PSD3: variants seen among roughly 807,000 people sequenced by gnomAD.
The protein encoded by PSD3 is pleckstrin and Sec7 domain containing 3.
Under a neutral mutation model 105.5 loss-of-function variants are expected in PSD3, and 49 were observed. The observed-to-expected ratio is 0.46, with a 90% CI of 0.37 to 0.59. PSD3 has a LOEUF of 0.59. Among genes scored for constraint, PSD3 ranks in the 20% least tolerant of loss-of-function variants. The pLI, the probability that PSD3 is intolerant of heterozygous loss-of-function variation, is 0.00. For missense variants in PSD3, 1,561 were observed against 1,263.8 expected, an observed-to-expected ratio of 1.24 and a Z score of -3.57; for synonymous variants, 557 against 457.8, an observed-to-expected ratio of 1.22 and a Z score of -2.77.
chr8:18,867,968 G>A lies in PSD3; in HGVS notation c.1340C>T (p.Thr447Ile), dbSNP rs1023573287. 5 of 1,614,062 alleles carry A rather than the reference G, an allele frequency of 3.1e-6. No individual in the cohort carries two copies. The highest frequency in any genetic ancestry group is 4.2e-6 in the Non-Finnish European group (5 of 1,180,038). Residue 447 changes from threonine to isoleucine, a missense_variant, in exon 4 of 16, where the codon ACC becomes ATC. By Grantham distance (89) the Thr-to-Ile change is moderately conservative. Transcript: ENST00000327040. Reference sequence around the variant, plus strand: ...GTATAAAGAAGTGTTGTCCAAAATGGTTTCAAACTGGGAGCTGTACACGTC... The same window carrying A: ...GTATAAAGAAGTGTTGTCCAAAATGATTTCAAACTGGGAGCTGTACACGTC... ...STDVYSSQFE[T>I]ILDNTSLYYS...
chr8:18,808,697 C>T (rs1811414653), intron 4 of PSD3: 1 of 1,608,816 alleles, frequency 6.2e-7, no homozygotes, highest in African/African-American at 1.3e-5. Context: ...TGAACAAGAA[C>T]CGGAATTGCT....
At chr8:18,655,558 C>T in intron 10 of PSD3, 84 bp downstream of exon 10, 2 of 1,293,510 alleles carry the variant, frequency 1.5e-6, no homozygotes, top group East Asian at 2.3e-5. Flanking sequence ...TTTAATCCTT[C>T]TCTAAGATCA....
intron 9 of PSD3, among the ~76,000 whole-genome samples, chr8:18,752,120 G>A (rs1182909295): frequency 2.0e-5 from 3 of 151,618 alleles, no homozygotes; most frequent in African/African-American, 4.9e-5. Context: ...CCCAGGAGGC[G>A]GAGGTTGCAG....
At chr8:19,077,132 A>G (rs1175173993) in intron 1 of PSD3, among the ~76,000 whole-genome samples, 1 of 152,162 alleles carries the variant, frequency 6.6e-6, no homozygotes, top group Non-Finnish European at 1.5e-5. Context: ...CTTCTCTGAG[A>G]TATCTCTGAC....
chr8:18,827,662 A>T (rs897121788), intron 4 of PSD3, among the ~76,000 whole-genome samples: 2 of 152,198 alleles, frequency 1.3e-5, no homozygotes, highest in Admixed American at 6.5e-5. Flanking sequence ...GGGTAGGTCC[A>T]GTTAGCAGAC....
chr8:18,627,723 G>C (rs1806598023), intron 11 of PSD3, among the ~76,000 whole-genome samples: 1 of 151,194 alleles, frequency 6.6e-6, no homozygotes, highest in Non-Finnish European at 1.5e-5. Context: ...GTTTTTTTTA[G>C]ATGAATACAA....
chr8:18,690,931 T>C (rs1175213248), intron 9 of PSD3, among the ~76,000 whole-genome samples: 2 of 152,046 alleles, frequency 1.3e-5, no homozygotes, highest in Non-Finnish European at 2.9e-5. Context: ...ATTTCCTTAG[T>C]CCATAAGACA....
intron 1 of PSD3, among the ~76,000 whole-genome samples, chr8:18,958,839 A>C (rs751504253): frequency 4.9e-4 from 74 of 152,222 alleles, no homozygotes; most frequent in Non-Finnish European, 2.5e-4. Flanking sequence ...TAAAAAATCC[A>C]GAATAAACAT....
intron 9 of PSD3, among the ~76,000 whole-genome samples, chr8:18,721,746 A>G (rs530632893): frequency 6.6e-6 from 1 of 152,186 alleles, no homozygotes; most frequent in Admixed American, 6.5e-5. Flanking sequence ...CTGTTTACTA[A>G]ATCGTTCCCT....
intron 11 of PSD3, among the ~76,000 whole-genome samples, chr8:18,615,057 C>A (rs539974226): frequency 6.6e-6 from 1 of 152,276 alleles, no homozygotes; most frequent in African/African-American, 2.4e-5. Context: ...GATATGAATT[C>A]TAAATTTCTT....
intron 10 of PSD3, among the ~76,000 whole-genome samples, chr8:18,635,359 C>T (rs1285991928): frequency 6.6e-6 from 1 of 151,974 alleles, no homozygotes; most frequent in Non-Finnish European, 1.5e-5. Context: ...TCCCAATAGA[C>T]AAAGCTAGGG....
Position 18,674,173 on chromosome 8 carries a change from G to A in PSD3, c.2173-18488C>T, listed in dbSNP as rs535079716. ...AAAAAAAAGAAAATGGTGGGAGGAA[G>A]GGTATGCGGCTATCAAAGCAGGGGA... is the stretch of plus-strand genomic sequence containing the variant. On this transcript the variant is annotated intron_variant, in intron 9 of 15. Transcript: ENST00000327040. Among the ~76,000 whole-genome samples, 10 of 152,062 alleles carry A rather than the reference G, an allele frequency of 6.6e-5. No homozygotes were observed. In the South Asian group the frequency reaches 2.1e-3, roughly 32 times the overall value.
At chr8:18,602,926 G>A (rs964554666) in intron 11 of PSD3, among the ~76,000 whole-genome samples, 2 of 152,154 alleles carry the variant, frequency 1.3e-5, no homozygotes, top group Non-Finnish European at 2.9e-5. Context: ...CAGCACGTGT[G>A]TTTTATTAAA....
At chr8:18,949,244 A>AAAAAAAATAT (rs1345423514) in intron 1 of PSD3, among the ~76,000 whole-genome samples, 2 of 14,408 alleles carry the variant, frequency 1.4e-4, no homozygotes, top group African/African-American at 2.9e-4. Flanking sequence ...AAAAAAAAAA[A>AAAAAAAATAT]ATATATATAT....
At chr8:19,047,160 C>A (rs182432221) in intron 1 of PSD3, among the ~76,000 whole-genome samples, 1 of 152,170 alleles carries the variant, frequency 6.6e-6, no homozygotes, top group Non-Finnish European at 1.5e-5. Flanking sequence ...TTAAGAGCCT[C>A]GGCAGAGAAA....
At position 18,868,020 on chromosome 8, in the gene PSD3, C is replaced by A. The variant is rs1208889278; in HGVS notation, c.1288G>T (p.Gly430Trp). ...HVKGEDEDIL[G>W]PGYTEDSTDV... ...GTGGAGTCCTCCGTATATCCAGGCCCAAGGATGTCTTCATCTTCCCCCTTA... is the reference window on the plus strand; with the variant it reads ...GTGGAGTCCTCCGTATATCCAGGCCAAAGGATGTCTTCATCTTCCCCCTTA... Residue 430 changes from glycine to tryptophan, a missense_variant, in exon 4 of 16, where the codon GGG becomes TGG. Gly to Trp is a radical substitution (Grantham distance 184). Transcript: ENST00000327040. 1 of 1,613,762 alleles carries A rather than the reference C, an allele frequency of 6.2e-7. No homozygotes were observed. Among genetic ancestry groups the A allele is most frequent in the Non-Finnish European group, 8.5e-7 (1 of 1,179,868 alleles).
Position 18,698,426 on chromosome 8 carries a change from G to A in PSD3, c.2173-42741C>T, listed in dbSNP as rs562321805. 1.3e-3 allele frequency among the ~76,000 whole-genome samples: 193 copies of A among 152,210 alleles called. 1 individual carries two copies. The highest frequency in any genetic ancestry group is 2.5e-3 in the African/African-American group (103 of 41,514). On this transcript the variant is annotated intron_variant, in intron 9 of 15. Coordinates refer to ENST00000327040, the MANE Select transcript of PSD3 (RefSeq NM_015310.4). ...AAGCCATGATGCTCAGCCTCACAGC[G>A]TTCTTACAAAAGAGGTTGGAGGTTC...
chr8:18,752,102 C>T (rs1805542367), intron 9 of PSD3, among the ~76,000 whole-genome samples: 1 of 151,394 alleles, frequency 6.6e-6, no homozygotes, highest in Non-Finnish European at 1.5e-5. Context: ...TCAGGAGAAT[C>T]ACTTGAACCC....
Position 18,978,236 on chromosome 8 carries a change from C to T in PSD3, c.21+35327G>A, listed in dbSNP as rs1033980079. 3.3e-5 allele frequency among the ~76,000 whole-genome samples: 5 copies of T among 152,242 alleles called. No individual in the cohort carries two copies. In the East Asian group the frequency reaches 5.8e-4, roughly 18 times the overall value. Reference sequence around the variant, plus strand: ...CTAAAAGCAACACTGCACGTCCACACGCTGGGTTTCAACACTTTTTTCACA... The same window carrying T: ...CTAAAAGCAACACTGCACGTCCACATGCTGGGTTTCAACACTTTTTTCACA... On this transcript the variant is annotated intron_variant, in intron 1 of 15. Coordinates refer to ENST00000327040, the MANE Select transcript of PSD3 (RefSeq NM_015310.4).
Sources: gnomAD v4.1 joint callset for allele counts (sites outside exome capture counted in the v4.1 genomes callset) on GRCh38, gnomAD v4.1.1 for gene constraint, MANE v1.5 for transcripts, NCBI Gene and HGNC (gene_info 2026-07-23, HGNC 2026-07-21) for gene names.